The following KDM4B variants were observed in gnomAD, a reference collection of about 807,000 sequenced individuals.
KDM4B encodes the protein lysine demethylase 4B.
In KDM4B, 32 loss-of-function variants were observed where a neutral mutation model predicts 125.2. The observed-to-expected ratio is 0.26, with a 90% confidence interval of 0.19 to 0.34. The LOEUF is 0.34. KDM4B is among the 10% of genes least tolerant of loss of function. The pLI, the probability that KDM4B is intolerant of heterozygous loss-of-function variation, is 1.00. For synonymous variants in KDM4B, 721 were observed against 677.9 expected, an observed-to-expected ratio of 1.06 and a Z score of -0.99; for missense variants, 1,190 against 1,577.7, an observed-to-expected ratio of 0.75 and a Z score of 4.16.
chr19:4,995,349 C>G (rs1401155730), intron 1 of KDM4B, among the ~76,000 whole-genome samples: 1 of 151,974 alleles, frequency 6.6e-6, no homozygotes, highest in Non-Finnish European at 1.5e-5. Flanking sequence ...GATTCTTACT[C>G]TGGGCAACAG....
chr19:5,082,405 C>G lies in KDM4B; in HGVS notation c.819C>G (p.Pro273=). The G allele has an allele frequency of 6.2e-7, 1 of 1,613,796 alleles. No individual in the cohort carries two copies. The highest frequency in any genetic ancestry group is 1.1e-5 in the South Asian group (1 of 91,084). ...QEAGEFMITF[P]YGYHAGFNHG... ...CCGGGGAATTCATGATCACATTTCC[C>G]TACGGCTACCACGCCGGCTTCAATC... The change falls in exon 9 of 23, where the codon CCC becomes CCG. Residue 273 remains proline, a synonymous_variant. Transcript: ENST00000159111. This position sits in a 1 kb window ranked among gnomAD's most constrained non-coding sequence, Gnocchi z 5.4.
intron 7 of KDM4B, chr19:5,077,144 G>A: frequency 3.5e-6 from 2 of 578,992 alleles, no homozygotes; most frequent in South Asian, 4.1e-5. Flanking sequence ...GCCACCTGCA[G>A]AGCTCACAGC....
At chr19:5,130,840 C>T (rs183057629) in intron 11 of KDM4B, among the ~76,000 whole-genome samples, 225 of 152,368 alleles carry the variant, frequency 1.5e-3, no homozygotes, top group Non-Finnish European at 2.6e-3. Context: ...AGGCAAGTGC[C>T]GCTGCTGCGC....
At chr19:5,098,766 A>G (rs1191847616) in intron 9 of KDM4B, among the ~76,000 whole-genome samples, 1 of 152,146 alleles carries the variant, frequency 6.6e-6, no homozygotes, top group Non-Finnish European at 1.5e-5. Flanking sequence ...CCCCTCCATC[A>G]TGGGAGGACT....
At chr19:4,998,525 A>G (rs942901219) in intron 1 of KDM4B, among the ~76,000 whole-genome samples, 1 of 152,180 alleles carries the variant, frequency 6.6e-6, no homozygotes, top group Non-Finnish European at 1.5e-5. Flanking sequence ...AGTGTGTGGC[A>G]GACATGACAT....
chr19:5,131,558 G>GGTGGC lies in KDM4B; in HGVS notation c.1785+14_1785+15insTGGCG. The stretch of plus-strand genomic sequence containing the variant: ...CGGAGAGGGGCAGGTGGGGTGGAGC[G>GGTGGC]GGGGAGGCAGGGAGGAGGGGGGCAG... On this transcript the variant is annotated intron_variant, in intron 12 of 22. Coordinates refer to ENST00000159111, the MANE Select transcript of KDM4B (RefSeq NM_015015.3). The GGTGGC allele has an allele frequency of 8.3e-7, 1 of 1,201,056 alleles. No individual in the cohort carries two copies. The highest frequency in any genetic ancestry group is 1.2e-6 in the Non-Finnish European group (1 of 863,200). 74.4% of individuals were successfully genotyped at this position (1,201,056 alleles called of 1,614,324 possible).
chr19:5,007,092 G>A (rs1434168518), intron 1 of KDM4B, among the ~76,000 whole-genome samples: 5 of 152,190 alleles, frequency 3.3e-5, no homozygotes, highest in Admixed American at 3.3e-4. Context: ...AAGGGCCTTG[G>A]GGGAGGGCCC....
intron 6 of KDM4B, among the ~76,000 whole-genome samples, chr19:5,063,097 C>T (rs571274100): frequency 3.8e-4 from 58 of 152,110 alleles, no homozygotes; most frequent in African/African-American, 1.2e-3. Context: ...TCTCCTGCCT[C>T]GCCATGAAGG....
At chr19:5,073,558 A>G (rs2145832998) in intron 7 of KDM4B, among the ~76,000 whole-genome samples, 1 of 152,324 alleles carries the variant, frequency 6.6e-6, no homozygotes, top group Middle Eastern at 3.4e-3. Flanking sequence ...CTTCTCACCC[A>G]GTGTGACTTT....
In KDM4B at chr19:4,981,652, A is replaced by G. The variant is rs551017420; in HGVS notation, c.-109+12422A>G. 2.6e-5 allele frequency among the ~76,000 whole-genome samples: 4 copies of G among 152,248 alleles called. No homozygotes were observed. The East Asian group carries it at 7.7e-4, about 29-fold the overall frequency. ...CCTTGGGAGTGCAGGTGGGTTCTCC[A>G]GGGGAGCAGGTGACACTGCCAGGCA... On this transcript the variant is annotated intron_variant, in intron 1 of 22. Coordinates refer to ENST00000159111, the MANE Select transcript of KDM4B (RefSeq NM_015015.3).
Position 5,029,783 on chromosome 19 carries a change from T to C in KDM4B, c.-25-3083T>C, listed in dbSNP as rs566012280. Among the ~76,000 whole-genome samples the C allele has an allele frequency of 3.5e-3, 533 of 152,350 alleles. 3 individuals are homozygous for C. The highest frequency in any genetic ancestry group is 0.011 in the African/African-American group (445 of 41,594). ...TTGAGGCTGCAGTGAACCGTGACCG[T>C]GCCACTGCACTCCAGCCTGGGCGAC... is the stretch of plus-strand genomic sequence containing the variant. On this transcript the variant is annotated intron_variant, in intron 2 of 22. Transcript: ENST00000159111.
intron 6 of KDM4B, among the ~76,000 whole-genome samples, chr19:5,062,126 C>A (rs60612156): frequency 6.6e-6 from 1 of 152,178 alleles, no homozygotes; most frequent in Non-Finnish European, 1.5e-5. Flanking sequence ...TCTGTCCGGT[C>A]CCCTGTAATC....
At chr19:5,083,547 C>T (rs1476391530) in intron 9 of KDM4B, among the ~76,000 whole-genome samples, 1 of 152,204 alleles carries the variant, frequency 6.6e-6, no homozygotes, top group Non-Finnish European at 1.5e-5. Context: ...CCCCTGCGTG[C>T]TTTTCCTGGC....
At chr19:5,127,984 T>C (rs954630208) in intron 11 of KDM4B, among the ~76,000 whole-genome samples, 30 of 152,156 alleles carry the variant, frequency 2.0e-4, no homozygotes, top group Non-Finnish European at 2.6e-4. Flanking sequence ...TCTGTGTCTC[T>C]GGCCCCACAG....
intron 9 of KDM4B, among the ~76,000 whole-genome samples, chr19:5,099,265 G>A (rs1234723773): frequency 6.6e-6 from 1 of 152,184 alleles, no homozygotes; most frequent in African/African-American, 2.4e-5. Context: ...CAGTTTCTCA[G>A]AGAGAAACAT....
intron 6 of KDM4B, among the ~76,000 whole-genome samples, chr19:5,069,636 CAG>C (rs1291526590): frequency 6.6e-6 from 1 of 151,718 alleles, no homozygotes; most frequent in African/African-American, 2.4e-5. Context: ...TGTTTTGAGA[CAG>C]AGTCTCACTC....
At chr19:5,042,520 GAAACA>G in intron 5 of KDM4B, among the ~76,000 whole-genome samples, 1 of 151,952 alleles carries the variant, frequency 6.6e-6, no homozygotes, top group East Asian at 1.9e-4. Flanking sequence ...AAAAAAGAAG[GAAACA>G]AACACCTGAG....
intron 1 of KDM4B, among the ~76,000 whole-genome samples, chr19:5,006,421 A>G (rs1294922649): frequency 3.3e-5 from 5 of 151,992 alleles, no homozygotes; most frequent in Admixed American, 3.3e-4. Flanking sequence ...GTGTTGCCAC[A>G]TCATCTGCCC....
In KDM4B at chr19:5,100,995, C is replaced by T. The variant is rs1200569062; in HGVS notation, c.919-9627C>T. Reference sequence around the variant, plus strand: ...CAGCACTTTGGGAGGCTGAGGCGGGCGGATCACCTGAGGTCAGGAGTTCAA... The same window carrying T: ...CAGCACTTTGGGAGGCTGAGGCGGGTGGATCACCTGAGGTCAGGAGTTCAA... On this transcript the variant is annotated intron_variant, in intron 9 of 22. Transcript: ENST00000159111. 5.3e-5 allele frequency among the ~76,000 whole-genome samples: 8 copies of T among 150,114 alleles called. No homozygotes were observed. The East Asian group carries it at 1.0e-3, about 19-fold the overall frequency.
Sources: gnomAD v4.1 joint callset for allele counts (sites outside exome capture counted in the v4.1 genomes callset) on GRCh38, gnomAD v4.1.1 for gene constraint, Gnocchi (gnomAD v3.1) non-coding constraint, MANE v1.5 for transcripts, NCBI Gene and HGNC (gene_info 2026-07-23, HGNC 2026-07-21) for gene names.